CCN4: variants seen among roughly 807,000 people sequenced by gnomAD.
CCN4 encodes cellular communication network factor 4, also known as CCN family member 4.
In CCN4, 30 loss-of-function variants were observed where a neutral mutation model predicts 36.7. That is an observed-to-expected ratio of 0.82 (90% CI 0.61 to 1.11). The LOEUF (loss-of-function observed/expected upper bound fraction) is 1.11. CCN4 is among the 50% of genes least tolerant of loss of function. The pLI is 0.00. For missense variants in CCN4, 505 were observed against 504.9 expected (o/e 1.00, Z 0.00); for synonymous variants, 191 against 195.4 (o/e 0.98, Z 0.19).
rs571850903 is a variant in CCN4 at position 133,191,778 on chromosome 8, A to T, written c.69+565A>T. On this transcript the variant is annotated intron_variant, in intron 1 of 4. Coordinates refer to ENST00000250160, the MANE Select transcript of CCN4 (RefSeq NM_003882.4). ...GTGCTCAGGGTGATGTCTAACCCCAACTGCTGTCACCTCCGGTCTGCACAG... is the reference window on the plus strand; with the variant it reads ...GTGCTCAGGGTGATGTCTAACCCCATCTGCTGTCACCTCCGGTCTGCACAG... Among the ~76,000 whole-genome samples, 122 of 152,308 alleles carry T rather than the reference A, an allele frequency of 8.0e-4. 1 individual carries two copies. The highest frequency in any genetic ancestry group is 2.8e-3 in the African/African-American group (118 of 41,562).
At chr8:133,192,342 G>T (rs575246936) in intron 1 of CCN4, among the ~76,000 whole-genome samples, 2 of 152,186 alleles carry the variant, frequency 1.3e-5, no homozygotes, top group African/African-American at 4.8e-5. Flanking sequence ...TCAATGCCTC[G>T]GTGTGTGTAA....
At chr8:133,209,460 G>T (rs1039254776) in intron 1 of CCN4, among the ~76,000 whole-genome samples, 5 of 152,192 alleles carry the variant, frequency 3.3e-5, no homozygotes, top group African/African-American at 9.7e-5. Context: ...AATTGCAAAG[G>T]CTGGCTCAGC....
chr8:133,198,128 G>C (rs1359790339), intron 1 of CCN4, among the ~76,000 whole-genome samples: 1 of 152,182 alleles, frequency 6.6e-6, no homozygotes, highest in East Asian at 1.9e-4. Context: ...AGCTGGAGCT[G>C]CCATATATTC....
intron 3 of CCN4, among the ~76,000 whole-genome samples, chr8:133,223,211 G>A (rs1010601928): frequency 3.9e-5 from 6 of 152,076 alleles, no homozygotes; most frequent in African/African-American, 9.7e-5. Flanking sequence ...CGAGGGTCAC[G>A]GGGGGAGCAG....
In CCN4 at chr8:133,220,855, C is replaced by G. The variant is rs760131537; in HGVS notation, c.610+14C>G. 8 of 1,589,174 alleles carry G rather than the reference C, an allele frequency of 5.0e-6. No homozygotes were observed. Among genetic ancestry groups the G allele is most frequent in the African/African-American group, 1.3e-5 (1 of 74,440 alleles). ...CAGGAGCCTTCGGTGGGTGTGGGCC[C>G]GAGTGGGCTGGGGGTGGGACCCTAC... On this transcript the variant is annotated intron_variant, in intron 3 of 4. Transcript: ENST00000250160.
At chr8:133,224,753 G>A (rs112612867) in intron 3 of CCN4, among the ~76,000 whole-genome samples, 2,892 of 152,010 alleles carry the variant, frequency 0.019, 72 homozygotes, top group African/African-American at 0.067. Flanking sequence ...TGACCAACAT[G>A]GTGAAACCTC....
chr8:133,209,187 G>A (rs1036093202), intron 1 of CCN4, among the ~76,000 whole-genome samples: 26 of 152,260 alleles, frequency 1.7e-4, no homozygotes, highest in Admixed American at 9.8e-4. Context: ...GCTTTCCCTC[G>A]TGCTCACACA....
rs1853721858 is a variant in CCN4, at chr8:133,205,108, G to A, written c.70-7756G>A. Among the ~76,000 whole-genome samples the A allele has an allele frequency of 2.0e-5, 3 of 152,344 alleles. No homozygotes were observed. In the South Asian group the frequency reaches 6.2e-4, roughly 32 times the overall value. ...GGTATGGCAGGAGGAGTCTCAGTGGGGTAGGTGGGGCCCGGTGGGCTCAGA... is the reference window on the plus strand; with the variant it reads ...GGTATGGCAGGAGGAGTCTCAGTGGAGTAGGTGGGGCCCGGTGGGCTCAGA... On this transcript the variant is annotated intron_variant, in intron 1 of 4. Coordinates refer to ENST00000250160, the MANE Select transcript of CCN4 (RefSeq NM_003882.4).
intron 3 of CCN4, among the ~76,000 whole-genome samples, chr8:133,221,256 G>C (rs1854516113): frequency 6.6e-6 from 1 of 152,218 alleles, no homozygotes; most frequent in Non-Finnish European, 1.5e-5. Context: ...AAGATGGGTG[G>C]GCAGGTGAGA....
chr8:133,194,832 TGTGTGTG>T (rs1383524612), intron 1 of CCN4, among the ~76,000 whole-genome samples: 12 of 141,526 alleles, frequency 8.5e-5, no homozygotes, highest in East Asian at 2.2e-4. Context: ...GTGGTACGTG[TGTGTGTG>T]GTGTGTGGTG....
intron 2 of CCN4, 43 bp from the exon 3 acceptor site, chr8:133,220,538 G>A (rs753628909): frequency 1.6e-5 from 26 of 1,594,640 alleles, no homozygotes; most frequent in Non-Finnish European, 2.2e-5. Flanking sequence ...GCCAGCCAGG[G>A]GCACCAAGGC....
chr8:133,222,240 A>G (rs1390219651), intron 3 of CCN4, among the ~76,000 whole-genome samples: 1 of 152,182 alleles, frequency 6.6e-6, no homozygotes, highest in African/African-American at 2.4e-5. Flanking sequence ...AACAGACACA[A>G]GAGGCATTGC....
At chr8:133,194,959 T>C (rs1430111779) in intron 1 of CCN4, among the ~76,000 whole-genome samples, 4 of 142,022 alleles carry the variant, frequency 2.8e-5, no homozygotes, top group South Asian at 4.7e-4. Context: ...GGTGTCTGTG[T>C]ATGTGTGTGG....
At chr8:133,193,474 A>G (rs534610779) in intron 1 of CCN4, among the ~76,000 whole-genome samples, 2 of 152,312 alleles carry the variant, frequency 1.3e-5, no homozygotes, top group South Asian at 4.1e-4. Flanking sequence ...CTAAAGGTGT[A>G]TTGCAAATAT....
chr8:133,206,643 C>G (rs1853784485), intron 1 of CCN4, among the ~76,000 whole-genome samples: 3 of 152,158 alleles, frequency 2.0e-5, no homozygotes, highest in African/African-American at 7.2e-5. Flanking sequence ...AGAGACCCTA[C>G]ACTGGCCTTC....
At position 133,220,687 on chromosome 8, in the gene CCN4, CT is replaced by C; in HGVS notation, c.457del (p.Cys153AlafsTer21). On this transcript the variant is annotated frameshift_variant, in exon 3 of 5. Transcript: ENST00000250160. LOFTEE classifies it high-confidence loss of function. ...NCTCIDGAVG[C>X]TPLCLRVRPP... ...GCACGTGCATCGACGGCGCGGTGGG[CT>C]GCACACCACTGTGCCTCCGAGTGCG... 1 of 1,613,982 alleles carries C rather than the reference CT, an allele frequency of 6.2e-7. No homozygotes were observed. The highest frequency in any genetic ancestry group is 8.5e-7 in the Non-Finnish European group (1 of 1,179,978).
At position 133,194,793 on chromosome 8, in the gene CCN4, G is replaced by A. The variant is rs567402473; in HGVS notation, c.69+3580G>A. 2.1e-5 allele frequency among the ~76,000 whole-genome samples: 3 copies of A among 141,984 alleles called. No homozygotes were observed. In the Admixed American group the frequency reaches 2.1e-4, roughly 10 times the overall value. The allele number at this position is 141,984 out of a possible 152,430, so 93.1% of individuals were successfully genotyped here. A position where few individuals can be genotyped will look rare whatever the true frequency, so the allele number is the denominator to read the frequency against. On this transcript the variant is annotated intron_variant, in intron 1 of 4. Coordinates refer to ENST00000250160, the MANE Select transcript of CCN4 (RefSeq NM_003882.4). The stretch of plus-strand genomic sequence containing the variant: ...TGTGTGGGGGGGATGTGTGGTGTGT[G>A]TGTGTGGTGTTTATTGTGTGTGGTG...
At chr8:133,209,812 A>G (rs1588191349) in intron 1 of CCN4, among the ~76,000 whole-genome samples, 1 of 152,206 alleles carries the variant, frequency 6.6e-6, no homozygotes, top group South Asian at 2.1e-4. Context: ...GACATGTGCC[A>G]GGCCCTACCT....
At chr8:133,207,925 C>A (rs769268083) in intron 1 of CCN4, among the ~76,000 whole-genome samples, 2 of 151,778 alleles carry the variant, frequency 1.3e-5, no homozygotes, top group Non-Finnish European at 2.9e-5. Context: ...TCTACAACTG[C>A]CAGCCCAAAT....
Sources: gnomAD v4.1 joint callset for allele counts (sites outside exome capture counted in the v4.1 genomes callset) on GRCh38, gnomAD v4.1.1 for gene constraint, MANE v1.5 for transcripts, NCBI Gene and HGNC (gene_info 2026-07-23, HGNC 2026-07-21) for gene names.